The following BAIAP2L1 variants were observed in gnomAD, a reference collection of about 807,000 sequenced individuals.
BAIAP2L1 encodes BAR/IMD domain containing adaptor protein 2 like 1, also known as BAR/IMD domain-containing adapter protein 2-like 1.
A neutral mutation model predicts 66.3 loss-of-function variants in BAIAP2L1; 35 were observed. That is an observed-to-expected ratio of 0.53 (90% CI 0.40 to 0.70). BAIAP2L1 has a LOEUF of 0.70. Among genes scored for constraint, BAIAP2L1 ranks in the 30% least tolerant of loss-of-function variants. The pLI is 0.00. For missense variants in BAIAP2L1, 622 were observed against 656.9 expected, an observed-to-expected ratio of 0.95 and a Z score of 0.58; for synonymous variants, 269 against 248.7, an observed-to-expected ratio of 1.08 and a Z score of -0.77.
In BAIAP2L1 at chr7:98,315,489, C is replaced by T; in HGVS notation, c.610G>A (p.Ala204Thr). 6.7e-7 allele frequency: 1 copy of T among 1,503,308 alleles called. No homozygotes were observed. Among genetic ancestry groups the T allele is most frequent in the Non-Finnish European group, 8.9e-7 (1 of 1,121,202 alleles). 93.1% of individuals were successfully genotyped at this position (1,503,308 alleles called of 1,614,324 possible). The change falls in exon 7 of 14, where the codon GCA becomes ACA. Residue 204 changes from alanine (A) to threonine (T), a missense_variant. Transcript: ENST00000005260. ...CFLVDKHCGF[A>T]NHIHYYHLQS... ...AAGTGATAATAATGTATGTGGTTTG[C>T]AAAGCCACAGTGCTTATCAACCAGA...
intron 1 of BAIAP2L1, among the ~76,000 whole-genome samples, chr7:98,389,770 C>T (rs1012009540): frequency 1.1e-4 from 17 of 152,134 alleles, no homozygotes; most frequent in Non-Finnish European, 2.1e-4. Context: ...TTGCTCTACA[C>T]ATTCAGAGAA....
At chr7:98,339,906 G>T (rs888418897) in intron 3 of BAIAP2L1, among the ~76,000 whole-genome samples, 1 of 152,136 alleles carries the variant, frequency 6.6e-6, no homozygotes, top group African/African-American at 2.4e-5. Flanking sequence ...GGTCCTTTGC[G>T]CCACCCCCCC....
intron 1 of BAIAP2L1, among the ~76,000 whole-genome samples, chr7:98,398,297 G>A (rs949012029): frequency 1.3e-5 from 2 of 151,974 alleles, no homozygotes; most frequent in Admixed American, 1.3e-4. Context: ...GAACATCATG[G>A]GGCAGGGCTG....
rs961519267 is a variant in BAIAP2L1, at chr7:98,356,708, G to A, written c.128-1580C>T. ...AAAAATTGAAGGGGCTGGGTGCAGT[G>A]GCTTACACCTGTACTCCTAGCATTT... On this transcript the variant is annotated intron_variant, in intron 2 of 13. Transcript: ENST00000005260. Among the ~76,000 whole-genome samples, 4 of 148,926 alleles carry A rather than the reference G, an allele frequency of 2.7e-5. No individual in the cohort carries two copies. In the Admixed American group the frequency reaches 2.7e-4, roughly 10 times the overall value.
At chr7:98,305,173 G>A (rs532816278) in intron 11 of BAIAP2L1, among the ~76,000 whole-genome samples, 4 of 147,786 alleles carry the variant, frequency 2.7e-5, no homozygotes, top group South Asian at 2.2e-4. Flanking sequence ...TTACAGGCAT[G>A]AGCCCCTGCG....
chr7:98,344,158 C>A (rs1260838333), intron 3 of BAIAP2L1, among the ~76,000 whole-genome samples: 3 of 152,112 alleles, frequency 2.0e-5, no homozygotes, highest in Non-Finnish European at 4.4e-5. Flanking sequence ...AGCCTGACGA[C>A]AGAGCAAGAC....
intron 1 of BAIAP2L1, among the ~76,000 whole-genome samples, chr7:98,385,411 G>A (rs945046777): frequency 1.3e-5 from 2 of 152,078 alleles, no homozygotes; most frequent in African/African-American, 4.8e-5. Context: ...TCAGATACCA[G>A]TAAGGGGAAA....
intron 12 of BAIAP2L1, among the ~76,000 whole-genome samples, chr7:98,300,302 C>T (rs1303139589): frequency 2.0e-5 from 3 of 152,182 alleles, no homozygotes; most frequent in Middle Eastern, 3.2e-3. Context: ...AGCACCAATG[C>T]GTCTGTAGGC....
chr7:98,399,142 T>A (rs893642600), intron 1 of BAIAP2L1, among the ~76,000 whole-genome samples: 1 of 152,194 alleles, frequency 6.6e-6, no homozygotes, highest in Non-Finnish European at 1.5e-5. Flanking sequence ...TCAATACAAA[T>A]GTAGGAATTT....
rs1801105533 is a variant in BAIAP2L1 at position 98,317,341 on chromosome 7, A to G, written c.364T>C (p.Tyr122His). 1 of 1,613,874 alleles carries G rather than the reference A, an allele frequency of 6.2e-7. No individual in the cohort carries two copies. The highest frequency in any genetic ancestry group is 1.3e-5 in the African/African-American group (1 of 74,880). ...AATTTATTCTTGTGTTCTGTTTGGT[A>G]TCTTTTTAGAGTTGCCTGTAAGTTA... is the stretch of plus-strand genomic sequence containing the variant. The part of the protein sequence containing the change: ...VKYMNATLKR[Y>H]QTEHKNKLES... Residue 122 changes from tyrosine to histidine, a missense_variant, in exon 6 of 14, where the codon TAC (tyrosine) becomes CAC (histidine). Physicochemically the swap from Tyr to His is moderately conservative, Grantham distance 83 (BLOSUM62 2). Transcript: ENST00000005260.
At chr7:98,377,288 A>G (rs1802656003) in intron 1 of BAIAP2L1, among the ~76,000 whole-genome samples, 1 of 152,186 alleles carries the variant, frequency 6.6e-6, no homozygotes, top group African/African-American at 2.4e-5. Context: ...GGAATGATAC[A>G]TGTCTCCTTG....
chr7:98,328,897 C>T (rs924088441), intron 3 of BAIAP2L1, among the ~76,000 whole-genome samples: 4 of 152,136 alleles, frequency 2.6e-5, no homozygotes, highest in East Asian at 1.9e-4. Context: ...TCCCCAGTCC[C>T]GGAGTCCTCA....
chr7:98,378,293 C>T (rs1443549358), intron 1 of BAIAP2L1, among the ~76,000 whole-genome samples: 2 of 152,130 alleles, frequency 1.3e-5, no homozygotes, highest in Admixed American at 1.3e-4. Flanking sequence ...GTGTTTTAGC[C>T]TCAGTTCTCG....
chr7:98,322,679 G>A (rs572901006), intron 3 of BAIAP2L1, among the ~76,000 whole-genome samples: 3 of 152,174 alleles, frequency 2.0e-5, no homozygotes, highest in South Asian at 4.2e-4. Flanking sequence ...CAGCACTCAC[G>A]TCCCACCACG....
intron 3 of BAIAP2L1, among the ~76,000 whole-genome samples, chr7:98,351,225 A>G (rs1801991950): frequency 1.3e-5 from 2 of 152,148 alleles, no homozygotes; most frequent in African/African-American, 4.8e-5. Flanking sequence ...GAGGGAGAAA[A>G]ACATCACTCC....
rs564519633 is a variant in BAIAP2L1 at position 98,314,276 on chromosome 7, C to T, written c.639+1184G>A. On this transcript the variant is annotated intron_variant, in intron 7 of 13. Coordinates refer to ENST00000005260, the MANE Select transcript of BAIAP2L1 (RefSeq NM_018842.5). ...GGGATTACAGGCGTGAGCCACCATG[C>T]GCAGTCCTGAATATTCCTTAAAGTT... Among the ~76,000 whole-genome samples the T allele has an allele frequency of 2.0e-4, 30 of 152,212 alleles. No individual in the cohort carries two copies. In the South Asian group the frequency reaches 2.5e-3, roughly 13 times the overall value.
At chr7:98,383,360 C>T (rs970200091) in intron 1 of BAIAP2L1, among the ~76,000 whole-genome samples, 2 of 150,774 alleles carry the variant, frequency 1.3e-5, no homozygotes, top group Non-Finnish European at 2.9e-5. Context: ...CTTGGCTCAC[C>T]ACAACCTCTG....
intron 3 of BAIAP2L1, chr7:98,323,136 C>G (rs1801294441): frequency 6.6e-6 from 1 of 152,270 alleles, no homozygotes; most frequent in Non-Finnish European, 1.5e-5. Flanking sequence ...GCAACGCTGG[C>G]TTCATCTTCC....
chr7:98,325,339 G>C (rs868096474), intron 3 of BAIAP2L1, among the ~76,000 whole-genome samples: 1 of 151,640 alleles, frequency 6.6e-6, no homozygotes, highest in Non-Finnish European at 1.5e-5. Flanking sequence ...CTGCACTCCA[G>C]CCTGGGCAAC....
Sources: gnomAD v4.1 joint callset for allele counts (sites outside exome capture counted in the v4.1 genomes callset) on GRCh38, gnomAD v4.1.1 for gene constraint, MANE v1.5 for transcripts, NCBI Gene and HGNC (gene_info 2026-07-23, HGNC 2026-07-21) for gene names.